RARB: variants seen among roughly 807,000 people sequenced by gnomAD.
RARB encodes the protein HBV-activated protein.
Under a neutral mutation model 51.9 loss-of-function variants are expected in RARB, and 17 were observed. The observed-to-expected ratio is 0.33, with a 90% CI of 0.22 to 0.49. The LOEUF (loss-of-function observed/expected upper bound fraction) is 0.49. Ranked by LOEUF, RARB falls within the 20% of genes least tolerant of loss-of-function variation. The probability of loss-of-function intolerance (pLI) is 0.99; values close to 1 mark genes in which losing one functional copy is unlikely to be tolerated. For missense variants in RARB, 369 were observed against 550.8 expected, an observed-to-expected ratio of 0.67 and a Z score of 3.30; for synonymous variants, 215 against 195.4, an observed-to-expected ratio of 1.10 and a Z score of -0.84.
In RARB at chr3:24,927,079, T is replaced by C. The variant is rs142900391; in HGVS notation, c.-380+68327T>C. ...AAGGCAGCATGGCAGCTTGATCCAG[T>C]AATGTTACTTTAACCTCATATATTC... On this transcript the variant is annotated intron_variant, in intron 2 of 11. Coordinates refer to the RARB transcript ENST00000383772. Among the ~76,000 whole-genome samples the C allele has an allele frequency of 4.1e-4, 62 of 152,250 alleles. No homozygotes were observed. The East Asian group carries it at 8.5e-3, about 21-fold the overall frequency.
At chr3:25,034,535 G>T (rs1271652416) in intron 2 of RARB, among the ~76,000 whole-genome samples, 1 of 152,220 alleles carries the variant, frequency 6.6e-6, no homozygotes, top group African/African-American at 2.4e-5. Flanking sequence ...ATAGCTCAGT[G>T]TTACAAAAGT....
intron 3 of RARB, among the ~76,000 whole-genome samples, chr3:25,534,483 C>A (rs1699056512): frequency 6.6e-6 from 1 of 152,046 alleles, no homozygotes; most frequent in Non-Finnish European, 1.5e-5. Flanking sequence ...TGCTCACAAG[C>A]CCTGTGGGAA....
chr3:25,047,099 C>A (rs1698233520), intron 2 of RARB, among the ~76,000 whole-genome samples: 2 of 152,152 alleles, frequency 1.3e-5, no homozygotes, highest in Admixed American at 1.3e-4. Flanking sequence ...ATTCTAAATT[C>A]TCTTCCATTT....
intron 2 of RARB, among the ~76,000 whole-genome samples, chr3:25,500,404 A>G (rs1336026135): frequency 1.3e-5 from 2 of 150,410 alleles, no homozygotes; most frequent in Non-Finnish European, 2.9e-5. Context: ...ACTCCTTTGA[A>G]AAAACTAACT....
chr3:25,571,837 A>T (rs2125290057), intron 4 of RARB, among the ~76,000 whole-genome samples: 1 of 152,288 alleles, frequency 6.6e-6, no homozygotes, highest in African/African-American at 2.4e-5. Flanking sequence ...GAACCCAAAA[A>T]TATCTACCCA....
chr3:25,163,471 C>T (rs1700506206), intron 4 of RARB, among the ~76,000 whole-genome samples: 1 of 147,132 alleles, frequency 6.8e-6, no homozygotes, highest in Admixed American at 6.8e-5. Flanking sequence ...TGCCACTGCA[C>T]ACCAGCCTGA....
intron 1 of RARB, among the ~76,000 whole-genome samples, chr3:25,457,930 T>C (rs974990271): frequency 6.6e-6 from 1 of 152,166 alleles, no homozygotes; most frequent in Admixed American, 6.5e-5. Context: ...ATAGTGGTGA[T>C]GACATGACTC....
intron 1 of RARB, among the ~76,000 whole-genome samples, chr3:24,856,213 C>G (rs1279952679): frequency 6.6e-6 from 1 of 152,122 alleles, no homozygotes; most frequent in Non-Finnish European, 1.5e-5. Flanking sequence ...CCATGAGGCT[C>G]TAAGACCTTC....
intron 5 of RARB, among the ~76,000 whole-genome samples, chr3:25,370,614 C>T (rs1335644092): frequency 2.6e-5 from 4 of 152,138 alleles, no homozygotes; most frequent in African/African-American, 7.2e-5. Context: ...AGAGGCAGGC[C>T]TGGAGAATGG....
intron 2 of RARB, among the ~76,000 whole-genome samples, chr3:24,943,552 A>G (rs79768440): frequency 0.018 from 2,784 of 152,286 alleles, 111 homozygotes; most frequent in East Asian, 0.18. Context: ...GAATTACCTA[A>G]ATGAATTCTA....
intron 5 of RARB, among the ~76,000 whole-genome samples, chr3:25,369,368 T>C (rs1706230742): frequency 6.6e-6 from 1 of 152,160 alleles, no homozygotes; most frequent in Non-Finnish European, 1.5e-5. Flanking sequence ...ATGCCTACCA[T>C]GTGCCAGGCA....
At chr3:25,509,431 G>C (rs535031839) in intron 3 of RARB, among the ~76,000 whole-genome samples, 1 of 152,316 alleles carries the variant, frequency 6.6e-6, no homozygotes, top group African/African-American at 2.4e-5. Context: ...CTACAGCCTT[G>C]ATTATACTTC....
intron 5 of RARB, among the ~76,000 whole-genome samples, chr3:25,194,668 C>T (rs890544247): frequency 4.0e-5 from 6 of 150,760 alleles, no homozygotes; most frequent in African/African-American, 1.5e-4. Flanking sequence ...TTTAAGTCTC[C>T]AATTCCCAAT....
intron 5 of RARB, among the ~76,000 whole-genome samples, chr3:25,354,628 T>C (rs1705676759): frequency 6.6e-6 from 1 of 152,068 alleles, no homozygotes; most frequent in Non-Finnish European, 1.5e-5. Context: ...TCAATGCCCA[T>C]CTTTTAGGCA....
intron 2 of RARB, among the ~76,000 whole-genome samples, chr3:24,988,156 T>A (rs936301293): frequency 2.6e-5 from 4 of 152,230 alleles, no homozygotes; most frequent in Non-Finnish European, 4.4e-5. Flanking sequence ...GATGTCATGA[T>A]GTCTCCCACA....
intron 3 of RARB, among the ~76,000 whole-genome samples, chr3:25,063,958 C>G (rs1348613332): frequency 6.6e-6 from 1 of 152,004 alleles, no homozygotes; most frequent in Non-Finnish European, 1.5e-5. Flanking sequence ...TTCGAATGAT[C>G]TCCTCATTTC....
chr3:25,241,025 G>A (rs1457857419), intron 5 of RARB, among the ~76,000 whole-genome samples: 1 of 152,102 alleles, frequency 6.6e-6, no homozygotes, highest in African/African-American at 2.4e-5. Flanking sequence ...GGTCTGTTCA[G>A]CCTTTCTATT....
At chr3:25,101,411 C>T (rs181491549) in intron 3 of RARB, among the ~76,000 whole-genome samples, 111 of 152,122 alleles carry the variant, frequency 7.3e-4, no homozygotes, top group South Asian at 6.2e-3. Context: ...TTTGTAAAAA[C>T]GTGTAATGAG....
intron 5 of RARB, among the ~76,000 whole-genome samples, chr3:25,287,162 T>C (rs1703676377): frequency 6.6e-6 from 1 of 152,230 alleles, no homozygotes; most frequent in Non-Finnish European, 1.5e-5. Flanking sequence ...ATTGTTGAAA[T>C]GCATAACATC....
Sources: gnomAD v4.1 joint callset for allele counts (sites outside exome capture counted in the v4.1 genomes callset) on GRCh38, gnomAD v4.1.1 for gene constraint, MANE v1.5 for transcripts, NCBI Gene and HGNC (gene_info 2026-07-23, HGNC 2026-07-21) for gene names.